TRPM3: variants seen among roughly 807,000 people sequenced by gnomAD.
TRPM3 encodes the protein transient receptor potential cation channel subfamily M member 3.
In TRPM3, 77 loss-of-function variants were observed where a neutral mutation model predicts 181.2. The observed-to-expected ratio is 0.42, with a 90% CI of 0.35 to 0.51. The LOEUF (loss-of-function observed/expected upper bound fraction) is 0.51, where lower values mean the gene tolerates loss of function less well. TRPM3 is among the 20% of genes least tolerant of loss of function. The pLI is 0.01. For missense variants in TRPM3, 1,759 were observed against 2,196.7 expected, an observed-to-expected ratio of 0.80 and a Z score of 3.98; for synonymous variants, 745 against 796.4, an observed-to-expected ratio of 0.94 and a Z score of 1.09.
intron 1 of TRPM3, among the ~76,000 whole-genome samples, chr9:71,062,976 C>A (rs1243495865): frequency 6.6e-6 from 1 of 152,072 alleles, no homozygotes; most frequent in Non-Finnish European, 1.5e-5. Flanking sequence ...TATAACAACA[C>A]AAAAGGGACT....
At chr9:71,098,039 C>G (rs961513930) in intron 1 of TRPM3, among the ~76,000 whole-genome samples, 1 of 152,118 alleles carries the variant, frequency 6.6e-6, no homozygotes, top group African/African-American at 2.4e-5. Flanking sequence ...TCACCCAATA[C>G]CAGCATGTAT....
At chr9:70,964,415 A>G (rs2097166278) in intron 1 of TRPM3, among the ~76,000 whole-genome samples, 1 of 152,098 alleles carries the variant, frequency 6.6e-6, no homozygotes, top group Non-Finnish European at 1.5e-5. Flanking sequence ...GAAATGTGTT[A>G]CTGAAGTGAA....
chr9:70,811,163 T>C, intron 6 of TRPM3: 1 of 1,605,480 alleles, frequency 6.2e-7, no homozygotes, highest in South Asian at 1.1e-5. Flanking sequence ...CCATTAATTA[T>C]ACTTACCAAC....
chr9:70,688,402 G>A (rs924394139), intron 8 of TRPM3, among the ~76,000 whole-genome samples: 7 of 152,046 alleles, frequency 4.6e-5, no homozygotes, highest in Non-Finnish European at 8.8e-5. Flanking sequence ...CCTGTCATCC[G>A]AGCAGTGTAC....
rs546985918 is a variant in TRPM3 at position 71,127,803 on chromosome 9, A to C, written c.184-263292T>G. ...CCTGAAGGTAAACCCAAGCTTTACCATTTACATGTCACTTTGGGGAAGTTA... is the reference window on the plus strand; with the variant it reads ...CCTGAAGGTAAACCCAAGCTTTACCCTTTACATGTCACTTTGGGGAAGTTA... On this transcript the variant is annotated intron_variant, in intron 1 of 24. Coordinates refer to the TRPM3 transcript ENST00000357533. Among the ~76,000 whole-genome samples, 10 of 152,312 alleles carry C rather than the reference A, an allele frequency of 6.6e-5. No homozygotes were observed. In the South Asian group the frequency reaches 2.1e-3, roughly 32 times the overall value.
At chr9:71,086,218 G>A (rs1270828286) in intron 1 of TRPM3, among the ~76,000 whole-genome samples, 3 of 151,748 alleles carry the variant, frequency 2.0e-5, no homozygotes, top group Admixed American at 2.0e-4. Context: ...GAGGGAGGAG[G>A]GCAAGGTTTG....
intron 1 of TRPM3, among the ~76,000 whole-genome samples, chr9:70,886,977 T>C (rs2096096759): frequency 6.6e-6 from 1 of 152,210 alleles, no homozygotes; most frequent in Non-Finnish European, 1.5e-5. Context: ...TCAACACTTA[T>C]AACTGACAAA....
chr9:70,917,339 G>T, intron 1 of TRPM3: 1 of 1,163,434 alleles, frequency 8.6e-7, no homozygotes, highest in Non-Finnish European at 1.3e-6. Context: ...TCCAGAATAT[G>T]GAGATACTCC....
intron 1 of TRPM3, among the ~76,000 whole-genome samples, chr9:70,878,328 A>C (rs1243166793): frequency 6.6e-6 from 1 of 152,086 alleles, no homozygotes; most frequent in Non-Finnish European, 1.5e-5. Context: ...AGTCGATGCT[A>C]CCTGGAGCTC....
intron 1 of TRPM3, among the ~76,000 whole-genome samples, chr9:71,159,137 A>AGAGAGAGAGAG (rs2076153285): frequency 8.8e-6 from 1 of 113,308 alleles, no homozygotes. Context: ...GAGAGAGAGA[A>AGAGAGAGAGAG]AGATGTCCAT....
At chr9:70,630,678 T>A (rs1383124951) in intron 12 of TRPM3, among the ~76,000 whole-genome samples, 2 of 152,176 alleles carry the variant, frequency 1.3e-5, no homozygotes, top group East Asian at 3.9e-4. Context: ...GGTAATGACT[T>A]TGGTAATTGG....
intron 1 of TRPM3, among the ~76,000 whole-genome samples, chr9:71,323,647 G>A (rs185938685): frequency 2.6e-5 from 4 of 152,180 alleles, no homozygotes; most frequent in South Asian, 2.1e-4. Flanking sequence ...GGCGGATGTC[G>A]GCTTTGGAAA....
At chr9:71,420,727 G>GAGAGAGAAAGAGAGAGAAAGAGAGAGAA (rs1565557032) in intron 1 of TRPM3, among the ~76,000 whole-genome samples, 1 of 45,308 alleles carries the variant, frequency 2.2e-5, no homozygotes, top group African/African-American at 1.0e-4. Context: ...GAGAAAGAGA[G>GAGAGAGAAAGAGAGAGAAAGAGAGAGAA]AGAGAGAGAA....
intron 9 of TRPM3, among the ~76,000 whole-genome samples, chr9:70,662,212 C>A (rs1188729207): frequency 2.0e-5 from 3 of 152,074 alleles, no homozygotes; most frequent in Admixed American, 6.5e-5. Flanking sequence ...GGAAAACTGG[C>A]AAGCCACATG....
chr9:70,915,116 A>T (rs994871716), intron 1 of TRPM3, among the ~76,000 whole-genome samples: 1 of 152,234 alleles, frequency 6.6e-6, no homozygotes, highest in Non-Finnish European at 1.5e-5. Context: ...AAATAAGATC[A>T]TAGAGAAACA....
chr9:70,842,972 G>A, intron 5 of TRPM3, 31 bp downstream of exon 5: 13 of 1,608,488 alleles, frequency 8.1e-6, no homozygotes, highest in Non-Finnish European at 1.1e-5. Context: ...TCTAGGAGAA[G>A]TCATGGAAAG....
intron 1 of TRPM3, among the ~76,000 whole-genome samples, chr9:71,408,085 C>T (rs2093471481): frequency 6.6e-6 from 1 of 152,178 alleles, no homozygotes; most frequent in African/African-American, 2.4e-5. Context: ...CACACCAAAA[C>T]CCCATCTGTA....
chr9:70,831,977 A>ATT (rs1414380227), intron 5 of TRPM3, among the ~76,000 whole-genome samples: 4,042 of 70,456 alleles, frequency 0.057, 144 homozygotes, highest in Middle Eastern at 0.12. Flanking sequence ...ATATATATAT[A>ATT]TATATATATA....
At chr9:71,290,536 T>G (rs180695065) in intron 1 of TRPM3, among the ~76,000 whole-genome samples, 1 of 136,244 alleles carries the variant, frequency 7.3e-6, no homozygotes, top group Non-Finnish European at 1.5e-5. Context: ...AATAGGAGAC[T>G]CTCTAAAGAG....
Sources: allele counts gnomAD v4.1 joint callset (sites outside exome capture counted in the v4.1 genomes callset), GRCh38; gene constraint gnomAD v4.1.1; transcripts MANE v1.5; gene names NCBI Gene and HGNC (gene_info 2026-07-23, HGNC 2026-07-21).